Variants in SDC2 observed in about 807,000 individuals in gnomAD.
The protein encoded by SDC2 is syndecan 2.
A neutral mutation model predicts 22.2 loss-of-function variants in SDC2; 13 were observed. That is an observed-to-expected ratio of 0.59 (90% CI 0.38 to 0.93). The LOEUF (loss-of-function observed/expected upper bound fraction) is 0.93. Among genes scored for constraint, SDC2 ranks in the 40% least tolerant of loss-of-function variants. The pLI, the probability that SDC2 is intolerant of heterozygous loss-of-function variation, is 0.00. For synonymous variants in SDC2, 94 were observed against 92.8 expected (o/e 1.01, Z -0.07); for missense variants, 235 against 246.8 (o/e 0.95, Z 0.32).
chr8:96,542,616 G>A (rs1348319363), intron 1 of SDC2, among the ~76,000 whole-genome samples: 2 of 152,108 alleles, frequency 1.3e-5, no homozygotes, highest in Non-Finnish European at 2.9e-5. Context: ...GCATCCCGGA[G>A]AATGAAAGGG....
intron 1 of SDC2, among the ~76,000 whole-genome samples, chr8:96,576,367 TG>T (rs1483835666): frequency 6.5e-4 from 25 of 38,474 alleles, no homozygotes; most frequent in African/African-American, 1.7e-3. Flanking sequence ...ATTGGTAGTT[TG>T]TTTTTGTTTT....
intron 1 of SDC2, among the ~76,000 whole-genome samples, chr8:96,572,302 G>A (rs535588218): frequency 1.3e-5 from 2 of 152,338 alleles, no homozygotes; most frequent in East Asian, 3.9e-4. Context: ...TTCATCTTAT[G>A]GAAAGTTTTT....
rs748997017 is a variant in SDC2, at chr8:96,494,206, T to C, written c.-66T>C. ...CGTGTGCGCGGGCTGCGCCGAGCGC[T>C]GGGCAGGAGGCTTCGTTTTGCCCTG... On this transcript the variant is annotated 5_prime_UTR_variant, in exon 1 of 5. Coordinates refer to ENST00000302190, the MANE Select transcript of SDC2 (RefSeq NM_002998.4). 34 of 1,478,846 alleles carry C rather than the reference T, an allele frequency of 2.3e-5. No homozygotes were observed. Among genetic ancestry groups the C allele is most frequent in the Non-Finnish European group, 3.0e-5 (33 of 1,096,530 alleles). 91.6% of individuals were successfully genotyped at this position (1,478,846 alleles called of 1,614,324 possible).
intron 2 of SDC2, among the ~76,000 whole-genome samples, chr8:96,601,508 G>T (rs1028437358): frequency 9.9e-5 from 15 of 151,716 alleles, no homozygotes; most frequent in African/African-American, 3.6e-4. Context: ...GGGTGTCGTA[G>T]CATGCGCCTG....
intron 1 of SDC2, among the ~76,000 whole-genome samples, chr8:96,568,277 T>C (rs199862706): frequency 6.6e-6 from 1 of 152,232 alleles, no homozygotes; most frequent in African/African-American, 2.4e-5. Context: ...TGAAATGTTA[T>C]CTGTAATGAG....
intron 1 of SDC2, among the ~76,000 whole-genome samples, chr8:96,572,763 A>G (rs1814417759): frequency 6.6e-6 from 1 of 152,166 alleles, no homozygotes; most frequent in African/African-American, 2.4e-5. Flanking sequence ...TTTACTGTCC[A>G]ATTTTCAACT....
At chr8:96,532,456 A>G (rs1465378730) in intron 1 of SDC2, among the ~76,000 whole-genome samples, 1 of 133,382 alleles carries the variant, frequency 7.5e-6, no homozygotes, top group Non-Finnish European at 1.5e-5. Context: ...TGTTTGGGAA[A>G]AAAAAGAAAG....
intron 1 of SDC2, among the ~76,000 whole-genome samples, chr8:96,582,507 G>A (rs905576057): frequency 3.3e-5 from 5 of 152,124 alleles, no homozygotes; most frequent in African/African-American, 1.2e-4. Context: ...ATTTTTAAGA[G>A]AGTCTTTGAA....
chr8:96,600,889 A>G (rs1376529624), intron 2 of SDC2, among the ~76,000 whole-genome samples: 2 of 152,196 alleles, frequency 1.3e-5, no homozygotes, highest in East Asian at 3.9e-4. Context: ...AAAGCCGATG[A>G]TGTAAATTTA....
intron 1 of SDC2, among the ~76,000 whole-genome samples, chr8:96,523,597 G>A (rs1021384221): frequency 6.6e-6 from 1 of 152,184 alleles, no homozygotes; most frequent in African/African-American, 2.4e-5. Context: ...TTCAGTAGGA[G>A]GTGGCTGTGG....
At chr8:96,552,430 ATTC>A (rs1325881715) in intron 1 of SDC2, among the ~76,000 whole-genome samples, 1 of 152,188 alleles carries the variant, frequency 6.6e-6, no homozygotes, top group Non-Finnish European at 1.5e-5. Context: ...GTTTGGCTGA[ATTC>A]TGTTCAACCT....
chr8:96,510,560 C>A (rs185913041), intron 1 of SDC2, among the ~76,000 whole-genome samples: 20 of 152,242 alleles, frequency 1.3e-4, no homozygotes, highest in African/African-American at 4.8e-4. Context: ...GGGAACAAAA[C>A]CTTGTTGAAG....
chr8:96,543,535 C>G (rs1813885586), intron 1 of SDC2, among the ~76,000 whole-genome samples: 1 of 152,062 alleles, frequency 6.6e-6, no homozygotes, highest in South Asian at 2.1e-4. Context: ...TTTTTATATT[C>G]AAAGTTTTTG....
Position 96,611,298 on chromosome 8 carries a change from T to C in SDC2, c.*1750T>C, listed in dbSNP as rs1045047268. 1.3e-5 allele frequency: 2 copies of C among 151,678 alleles called. No homozygotes were observed. The highest frequency in any genetic ancestry group is 6.6e-5 in the Admixed American group (1 of 15,188). 9.4% of individuals were successfully genotyped at this position (151,678 alleles called of 1,614,324 possible). A position where few individuals can be genotyped will look rare whatever the true frequency, so the allele number is the denominator to read the frequency against. ...TTTTACCACTAATTTTGTTTTAAAC[T>C]GTGAGCCGTCCAAGTCAGAAGAAGA... On this transcript the variant is annotated 3_prime_UTR_variant, in exon 5 of 5. Coordinates refer to ENST00000302190, the MANE Select transcript of SDC2 (RefSeq NM_002998.4).
chr8:96,542,148 C>T (rs1474083593), intron 1 of SDC2, among the ~76,000 whole-genome samples: 2 of 152,168 alleles, frequency 1.3e-5, no homozygotes, highest in Non-Finnish European at 2.9e-5. Context: ...AGTGCTGCCC[C>T]ACTGCTGCAT....
chr8:96,513,808 TG>T, intron 1 of SDC2, among the ~76,000 whole-genome samples: 1 of 152,274 alleles, frequency 6.6e-6, no homozygotes, highest in Non-Finnish European at 1.5e-5. Context: ...CAGTCAAAGA[TG>T]GAACAGGCTA....
intron 1 of SDC2, among the ~76,000 whole-genome samples, chr8:96,576,921 G>T (rs1441335403): frequency 6.6e-6 from 1 of 152,172 alleles, no homozygotes; most frequent in Non-Finnish European, 1.5e-5. Flanking sequence ...TCCCAAGAAT[G>T]TATTGAGATG....
intron 1 of SDC2, among the ~76,000 whole-genome samples, chr8:96,517,710 T>A (rs967234132): frequency 6.8e-6 from 1 of 147,606 alleles, no homozygotes; most frequent in Admixed American, 6.7e-5. Context: ...TGAAGTACTA[T>A]ATGTACATAT....
intron 1 of SDC2, among the ~76,000 whole-genome samples, chr8:96,535,634 C>T (rs993811745): frequency 2.0e-5 from 3 of 152,306 alleles, no homozygotes; most frequent in East Asian, 1.9e-4. Flanking sequence ...TATATATCGA[C>T]TTCGATTTGG....
Sources: allele counts gnomAD v4.1 joint callset (sites outside exome capture counted in the v4.1 genomes callset), GRCh38; gene constraint gnomAD v4.1.1; transcripts MANE v1.5; gene names NCBI Gene and HGNC (gene_info 2026-07-23, HGNC 2026-07-21).